Variants in MDGA2 observed in about 807,000 individuals in gnomAD.
MDGA2 encodes MAM domain-containing glycosylphosphatidylinositol anchor protein 2.
Under a neutral mutation model 117.8 loss-of-function variants are expected in MDGA2, and 40 were observed. That is an observed-to-expected ratio of 0.34 (90% CI 0.26 to 0.44). MDGA2 has a LOEUF of 0.44. MDGA2 is among the 20% of genes least tolerant of loss of function. MDGA2 has a pLI of 1.00. For synonymous variants in MDGA2, 452 were observed against 439.0 expected (o/e 1.03, Z -0.37); for missense variants, 1,123 against 1,250.6 (o/e 0.90, Z 1.54).
chr14:46,890,011 A>C (rs899491000), intron 10 of MDGA2, among the ~76,000 whole-genome samples: 1 of 152,058 alleles, frequency 6.6e-6, no homozygotes, highest in Admixed American at 6.6e-5. Flanking sequence ...CACTTATGCT[A>C]AAATAATCCT....
chr14:46,938,563 G>T (rs1211938326), intron 9 of MDGA2, among the ~76,000 whole-genome samples: 1 of 64,650 alleles, frequency 1.5e-5, no homozygotes, highest in African/African-American at 4.6e-5. Context: ...AAAAAAAAGA[G>T]ACATCATCTG....
chr14:47,448,791 T>C (rs952906496), intron 1 of MDGA2, among the ~76,000 whole-genome samples: 36 of 152,162 alleles, frequency 2.4e-4, no homozygotes, highest in African/African-American at 8.4e-4. Flanking sequence ...AAAGTTTCAG[T>C]GGTCCAGGAC....
intron 1 of MDGA2, among the ~76,000 whole-genome samples, chr14:47,504,449 T>C (rs1201908847): frequency 2.0e-5 from 3 of 152,136 alleles, no homozygotes; most frequent in East Asian, 1.9e-4. Flanking sequence ...GTGAATTATA[T>C]TGTAATATTA....
intron 8 of MDGA2, among the ~76,000 whole-genome samples, chr14:47,021,222 T>A (rs1421583635): frequency 1.3e-5 from 2 of 152,134 alleles, no homozygotes; most frequent in Non-Finnish European, 2.9e-5. Flanking sequence ...TCTTTAAAAC[T>A]AAGGAATTGT....
At chr14:47,074,114 A>G (rs926770680) in intron 6 of MDGA2, among the ~76,000 whole-genome samples, 2 of 145,102 alleles carry the variant, frequency 1.4e-5, no homozygotes, top group Admixed American at 7.0e-5. Context: ...ATGATTAATT[A>G]ATTTAATTAA....
intron 1 of MDGA2, among the ~76,000 whole-genome samples, chr14:47,521,896 T>C (rs1484999630): frequency 6.6e-6 from 1 of 152,068 alleles, no homozygotes; most frequent in Non-Finnish European, 1.5e-5. Context: ...GGTTTCGAAC[T>C]CCTGACCTCA....
intron 5 of MDGA2, among the ~76,000 whole-genome samples, chr14:47,100,657 G>A (rs1005243275): frequency 1.3e-5 from 2 of 152,132 alleles, no homozygotes; most frequent in Non-Finnish European, 1.5e-5. Context: ...GGAAACACTG[G>A]ATGAGACAGT....
At chr14:47,323,970 G>C (rs146479831) in intron 1 of MDGA2, among the ~76,000 whole-genome samples, 1 of 152,054 alleles carries the variant, frequency 6.6e-6, no homozygotes. Flanking sequence ...AGTGGGCCAG[G>C]CGTGGTGGCT....
chr14:47,619,721 G>A (rs537571968), intron 1 of MDGA2, among the ~76,000 whole-genome samples: 18 of 152,206 alleles, frequency 1.2e-4, no homozygotes, highest in Admixed American at 2.6e-4. Context: ...TGGTACTGAC[G>A]TTTTAAAAGG....
In MDGA2 at chr14:47,389,003, C is replaced by G. The variant is rs527672355; in HGVS notation, c.281-87453G>C. ...TTCCCTGGTTATTTCTTATTGATGT[C>G]TAAATGTTAAAAATTCCATTGCAAC... On this transcript the variant is annotated intron_variant, in intron 1 of 16. Coordinates refer to ENST00000399232, the MANE Select transcript of MDGA2 (RefSeq NM_001113498.3). Among the ~76,000 whole-genome samples the G allele has an allele frequency of 1.7e-4, 26 of 152,282 alleles. 1 individual carries two copies. The highest frequency in any genetic ancestry group is 6.0e-4 in the African/African-American group (25 of 41,566).
chr14:47,479,552 T>C (rs1294415163), intron 1 of MDGA2, among the ~76,000 whole-genome samples: 1 of 152,164 alleles, frequency 6.6e-6, no homozygotes, highest in African/African-American at 2.4e-5. Flanking sequence ...TTACATACTT[T>C]TAATGCTATA....
chr14:47,401,330 T>TA (rs909012634), intron 1 of MDGA2, among the ~76,000 whole-genome samples: 2 of 152,004 alleles, frequency 1.3e-5, no homozygotes, highest in African/African-American at 4.8e-5. Flanking sequence ...AATGTATAAT[T>TA]AAAAAAGACT....
chr14:47,356,906 G>T (rs551614248), intron 1 of MDGA2, among the ~76,000 whole-genome samples: 1 of 152,254 alleles, frequency 6.6e-6, no homozygotes, highest in South Asian at 2.1e-4. Context: ...GTAAAATTTG[G>T]TAAGAGATAA....
chr14:47,547,446 T>C (rs1447440277), intron 1 of MDGA2, among the ~76,000 whole-genome samples: 2 of 152,208 alleles, frequency 1.3e-5, no homozygotes, highest in African/African-American at 2.4e-5. Context: ...CTTCCTCATC[T>C]TCCTGTTTTC....
At chr14:47,635,916 T>C (rs765380530) in intron 1 of MDGA2, among the ~76,000 whole-genome samples, 13 of 152,290 alleles carry the variant, frequency 8.5e-5, no homozygotes, top group Non-Finnish European at 1.6e-4. Context: ...AGACACATCT[T>C]ATGTAAGACA....
At chr14:47,319,701 TTTTG>T (rs1244956753) in intron 1 of MDGA2, among the ~76,000 whole-genome samples, 1 of 152,182 alleles carries the variant, frequency 6.6e-6, no homozygotes, top group Non-Finnish European at 1.5e-5. Context: ...ACCTTGAATC[TTTTG>T]TTTGTTTGTC....
At chr14:47,121,758 G>T (rs1881664052) in intron 5 of MDGA2, among the ~76,000 whole-genome samples, 1 of 152,056 alleles carries the variant, frequency 6.6e-6, no homozygotes, top group South Asian at 2.1e-4. Flanking sequence ...GCTTGGAGAA[G>T]AACAGTGGCT....
In MDGA2 at chr14:46,928,432, T is replaced by C. The variant is rs372414000; in HGVS notation, c.2090-8272A>G. Among the ~76,000 whole-genome samples, 4 of 152,310 alleles carry C rather than the reference T, an allele frequency of 2.6e-5. No individual in the cohort carries two copies. The East Asian group carries it at 7.7e-4, about 29-fold the overall frequency. On this transcript the variant is annotated intron_variant, in intron 9 of 16. Transcript: ENST00000399232. ...TTTTCTGATTCCTCTCTTGCATTTA[T>C]AGATTCATCTTTTAGATTGCCTCTT...
intron 2 of MDGA2, among the ~76,000 whole-genome samples, chr14:47,248,400 A>G (rs1294508640): frequency 1.3e-5 from 2 of 151,700 alleles, no homozygotes; most frequent in African/African-American, 2.4e-5. Flanking sequence ...TAGAAAGTTT[A>G]GGAAAATAGA....
Sources: allele counts gnomAD v4.1 joint callset (sites outside exome capture counted in the v4.1 genomes callset), GRCh38; gene constraint gnomAD v4.1.1; transcripts MANE v1.5; gene names NCBI Gene and HGNC (gene_info 2026-07-23, HGNC 2026-07-21).